Variants in ROBO2 observed in about 807,000 individuals in gnomAD.
ROBO2 encodes roundabout guidance receptor 2, also known as roundabout homolog 2.
A neutral mutation model predicts 160.8 loss-of-function variants in ROBO2; 53 were observed. That is an observed-to-expected ratio of 0.33 (90% confidence interval 0.26 to 0.41). The LOEUF (loss-of-function observed/expected upper bound fraction) is 0.41. ROBO2 is among the 10% of genes least tolerant of loss of function. The probability of loss-of-function intolerance (pLI) is 1.00; values close to 1 mark genes in which losing one functional copy is unlikely to be tolerated. For synonymous variants in ROBO2, 664 were observed against 611.7 expected, an observed-to-expected ratio of 1.09 and a Z score of -1.26; for missense variants, 1,577 against 1,722.4, an observed-to-expected ratio of 0.92 and a Z score of 1.49.
chr3:77,501,272 G>GT (rs1259158990), intron 5 of ROBO2, among the ~76,000 whole-genome samples: 1 of 151,910 alleles, frequency 6.6e-6, no homozygotes, highest in African/African-American at 2.4e-5. Context: ...ACTCTCCCCT[G>GT]TACCTAGGTT....
At chr3:76,789,238 T>G (rs566462500) in intron 2 of ROBO2, among the ~76,000 whole-genome samples, 1 of 151,488 alleles carries the variant, frequency 6.6e-6, no homozygotes, top group African/African-American at 2.4e-5. Context: ...TGTCCTCTAT[T>G]GTCTATGTGT....
chr3:76,767,786 A>C (rs1360331544), intron 2 of ROBO2, among the ~76,000 whole-genome samples: 1 of 151,530 alleles, frequency 6.6e-6, no homozygotes, highest in Non-Finnish European at 1.5e-5. Flanking sequence ...TTTAGCTTCC[A>C]CTTCAATATG....
intron 2 of ROBO2, among the ~76,000 whole-genome samples, chr3:76,886,932 A>G (rs1395227712): frequency 6.6e-6 from 1 of 152,232 alleles, no homozygotes; most frequent in Admixed American, 6.5e-5. Context: ...CAGTAGCCCC[A>G]TGTGGCTAGT....
At chr3:77,165,822 A>G (rs1157931106) in intron 2 of ROBO2, among the ~76,000 whole-genome samples, 2 of 152,178 alleles carry the variant, frequency 1.3e-5, no homozygotes, top group South Asian at 2.1e-4. Context: ...TACCAAGAGA[A>G]CCTATCTTCT....
chr3:76,434,693 C>T (rs971624519), intron 2 of ROBO2: 20 of 1,103,712 alleles, frequency 1.8e-5, no homozygotes, highest in African/African-American at 7.7e-5. Context: ...TCCTCCTCCC[C>T]GTTCACCAGG....
At chr3:76,095,353 A>T (rs1559548868) in intron 2 of ROBO2, among the ~76,000 whole-genome samples, 2 of 152,196 alleles carry the variant, frequency 1.3e-5, no homozygotes, top group Admixed American at 6.5e-5. Flanking sequence ...GAAACAAATA[A>T]TTTTTTCCAA....
At chr3:76,225,517 C>G (rs1420576971) in intron 2 of ROBO2, among the ~76,000 whole-genome samples, 2 of 152,108 alleles carry the variant, frequency 1.3e-5, no homozygotes, top group Non-Finnish European at 2.9e-5. Flanking sequence ...GAGTTCAAGA[C>G]TAGTCTGGGC....
At chr3:76,510,361 C>A (rs1327456736) in intron 2 of ROBO2, among the ~76,000 whole-genome samples, 1 of 152,146 alleles carries the variant, frequency 6.6e-6, no homozygotes, top group African/African-American at 2.4e-5. Context: ...GAGTGACCAC[C>A]ATATACAACC....
chr3:77,049,081 C>T (rs67636977), intron 1 of ROBO2, among the ~76,000 whole-genome samples: 15,900 of 152,124 alleles, frequency 0.1, 1,124 homozygotes, highest in East Asian at 0.2. Context: ...GCAATCCTAA[C>T]AATTTGGGAG....
chr3:77,250,307 T>C (rs1228801325), intron 2 of ROBO2, among the ~76,000 whole-genome samples: 1 of 152,188 alleles, frequency 6.6e-6, no homozygotes, highest in Non-Finnish European at 1.5e-5. Context: ...GGATTCCGTC[T>C]GGTATTGTGA....
intron 2 of ROBO2, among the ~76,000 whole-genome samples, chr3:76,940,412 A>G (rs2078102662): frequency 6.6e-6 from 1 of 152,252 alleles, no homozygotes; most frequent in South Asian, 2.1e-4. Flanking sequence ...TTTTTACACT[A>G]GGGCCAACAA....
At chr3:76,029,270 T>C (rs1044782234) in intron 2 of ROBO2, among the ~76,000 whole-genome samples, 1 of 151,902 alleles carries the variant, frequency 6.6e-6, no homozygotes, top group Admixed American at 6.6e-5. Context: ...TATTTGTTTT[T>C]GTTAACTGTG....
chr3:76,798,335 G>A (rs2063933313), intron 2 of ROBO2, among the ~76,000 whole-genome samples: 1 of 150,252 alleles, frequency 6.7e-6, no homozygotes, highest in African/African-American at 2.4e-5. Flanking sequence ...ATGAACTAAA[G>A]GCCAATATTT....
At chr3:77,643,053 A>G in intron 24 of ROBO2, 110 bp downstream of exon 26, 1 of 394,846 alleles carries the variant, frequency 2.5e-6, no homozygotes, top group South Asian at 1.9e-5. Context: ...TTTGCCTTCA[A>G]TCGTAATGGA....
At chr3:77,069,268 G>A (rs756378264) in intron 1 of ROBO2, among the ~76,000 whole-genome samples, 3 of 152,164 alleles carry the variant, frequency 2.0e-5, no homozygotes, top group African/African-American at 4.8e-5. Flanking sequence ...TTAGGAGAAG[G>A]AAGAGGTCTG....
chr3:76,044,519 A>C (rs1348836697), intron 2 of ROBO2, among the ~76,000 whole-genome samples: 1 of 150,244 alleles, frequency 6.7e-6, no homozygotes, highest in Non-Finnish European at 1.5e-5. Context: ...TGTAGGGAGA[A>C]ATAAGTCACA....
chr3:77,614,750 C>CA (rs1381368788), intron 21 of ROBO2, among the ~76,000 whole-genome samples: 4 of 142,246 alleles, frequency 2.8e-5, no homozygotes, highest in African/African-American at 5.7e-5. Context: ...ACCAACCAAC[C>CA]AACCAAACAA....
intron 2 of ROBO2, among the ~76,000 whole-genome samples, chr3:76,219,382 A>G (rs1703797303): frequency 6.6e-6 from 1 of 152,228 alleles, no homozygotes; most frequent in South Asian, 2.1e-4. Flanking sequence ...ATCAGAGTGA[A>G]CAGGCAACCT....
intron 5 of ROBO2, among the ~76,000 whole-genome samples, chr3:77,495,397 A>G (rs891993106): frequency 4.6e-5 from 7 of 152,330 alleles, no homozygotes; most frequent in Admixed American, 2.0e-4. Flanking sequence ...ACTAATGAGC[A>G]AAGCTTGATA....
Sources: gnomAD v4.1 joint callset for allele counts (sites outside exome capture counted in the v4.1 genomes callset) on GRCh38, gnomAD v4.1.1 for gene constraint, MANE v1.5 for transcripts, NCBI Gene and HGNC (gene_info 2026-07-23, HGNC 2026-07-21) for gene names.